The following HERC1 variants were observed in gnomAD, a reference collection of about 807,000 sequenced individuals.
HERC1 encodes probable E3 ubiquitin-protein ligase HERC1.
HERC1 carries 160 observed loss-of-function variants against 554.3 expected under a neutral mutation model. The observed-to-expected ratio is 0.29, with a 90% CI of 0.25 to 0.33. The LOEUF (loss-of-function observed/expected upper bound fraction) is 0.33, where lower values mean the gene tolerates loss of function less well. Ranked by LOEUF, HERC1 falls within the 10% of genes least tolerant of loss-of-function variation. The probability of loss-of-function intolerance (pLI) is 1.00; values close to 1 mark genes in which losing one functional copy is unlikely to be tolerated. For missense variants in HERC1, 4,919 were observed against 5,918.5 expected, an observed-to-expected ratio of 0.83 and a Z score of 5.54; for synonymous variants, 2,175 against 2,131.7, an observed-to-expected ratio of 1.02 and a Z score of -0.56.
intron 1 of HERC1, among the ~76,000 whole-genome samples, chr15:63,800,957 G>A (rs1279004367): frequency 6.6e-6 from 1 of 152,144 alleles, no homozygotes; most frequent in Non-Finnish European, 1.5e-5. Context: ...AAGGGGTGGA[G>A]ATAGAGTTAA....
chr15:63,703,290 G>A (rs1326167403), intron 25 of HERC1, among the ~76,000 whole-genome samples: 1 of 152,168 alleles, frequency 6.6e-6, no homozygotes, highest in Admixed American at 6.5e-5. Context: ...GCGCAATTGT[G>A]GTTCAACAGC....
At chr15:63,699,121 C>A (rs549245985) in intron 25 of HERC1, 125 bp from the exon 26 acceptor site, 2 of 801,060 alleles carry the variant, frequency 2.5e-6, no homozygotes, top group African/African-American at 1.7e-5. Context: ...TGTTTGAATA[C>A]GCGCATGCAT....
intron 3 of HERC1, among the ~76,000 whole-genome samples, chr15:63,760,346 G>C (rs887406865): frequency 6.8e-6 from 1 of 147,260 alleles, no homozygotes; most frequent in Non-Finnish European, 1.5e-5. Context: ...GAAAAGTATT[G>C]AGGTCAAATC....
chr15:63,725,416 A>G lies in HERC1; in HGVS notation c.3444T>C (p.Leu1148=), dbSNP rs774891337. The G allele has an allele frequency of 1.2e-6, 2 of 1,613,884 alleles. No homozygotes were observed. Among genetic ancestry groups the G allele is most frequent in the African/African-American group, 1.3e-5 (1 of 75,006 alleles). ...GCATGCCACCAAGACACCGCCCAATAAGGAGAGCAATTGTTCTTTCTAGAT... is the reference window on the plus strand; with the variant it reads ...GCATGCCACCAAGACACCGCCCAATGAGGAGAGCAATTGTTCTTTCTAGAT... ...LVDLERTIAL[L]IGRCLGGMLQ... The change falls in exon 18 of 78, where the codon CTT becomes CTC. Residue 1148 remains leucine, a synonymous_variant. Coordinates refer to ENST00000443617, the MANE Select transcript of HERC1 (RefSeq NM_003922.4).
chr15:63,793,544 AC>A (rs2076719060), intron 1 of HERC1, among the ~76,000 whole-genome samples: 1 of 152,054 alleles, frequency 6.6e-6, no homozygotes, highest in South Asian at 2.1e-4. Flanking sequence ...TGAATAATTC[AC>A]CCCTTGTTTA....
At chr15:63,761,801 T>C (rs570671554) in intron 3 of HERC1, among the ~76,000 whole-genome samples, 1 of 152,222 alleles carries the variant, frequency 6.6e-6, no homozygotes, top group Non-Finnish European at 1.5e-5. Flanking sequence ...CATATTCTAA[T>C]TCTCATCCTT....
intron 54 of HERC1, among the ~76,000 whole-genome samples, chr15:63,648,413 C>G (rs2069471481): frequency 6.6e-6 from 1 of 152,156 alleles, no homozygotes; most frequent in African/African-American, 2.4e-5. Context: ...ACAAGGGCTA[C>G]CTACTTTATA....
chr15:63,657,957 T>C (rs889828586), intron 48 of HERC1, among the ~76,000 whole-genome samples: 7 of 152,220 alleles, frequency 4.6e-5, no homozygotes, highest in African/African-American at 7.2e-5. Context: ...TTTATTTATA[T>C]GTATGGGTCA....
chr15:63,674,884 T>A lies in HERC1; in HGVS notation c.7304A>T (p.Glu2435Val). 1.9e-6 allele frequency: 3 copies of A among 1,613,976 alleles called. No individual in the cohort carries two copies. Among genetic ancestry groups the A allele is most frequent in the Non-Finnish European group, 2.5e-6 (3 of 1,179,830 alleles). Reference sequence around the variant, plus strand: ...GCCTGTTCGCATATCTAAAGCGGATTCACTCTCAGGTTTCTGCTCAACATC... The same window carrying A: ...GCCTGTTCGCATATCTAAAGCGGATACACTCTCAGGTTTCTGCTCAACATC... ...KGDVEQKPESESALDMRTGLT... is the reference protein window; with the variant it reads ...KGDVEQKPESVSALDMRTGLT... The change falls in exon 38 of 78, where the codon GAA becomes GTA. Residue 2435 changes from glutamate to valine, a missense_variant. Around this residue, in one of 11 missense-constraint regions of HERC1, gnomAD observed 1,963 missense variants for 2,228.6 expected, o/e 0.88. Coordinates refer to ENST00000443617, the MANE Select transcript of HERC1 (RefSeq NM_003922.4).
intron 74 of HERC1, among the ~76,000 whole-genome samples, chr15:63,617,703 A>G (rs963465243): frequency 3.3e-5 from 5 of 152,128 alleles, no homozygotes; most frequent in Admixed American, 1.3e-4. Context: ...TCGCCATTCT[A>G]ATTGGTGTGA....
rs146498400 is a variant in HERC1, at chr15:63,647,793, T to C, written c.10878+276A>G. On this transcript the variant is annotated intron_variant, in intron 55 of 77. Coordinates refer to ENST00000443617, the MANE Select transcript of HERC1 (RefSeq NM_003922.4). ...TTTTTTCACTTTTAAGTGGTTATTA[T>C]TAAAAAGACAAAAAACAACAGATGT... Among the ~76,000 whole-genome samples, 1,354 of 152,214 alleles carry C rather than the reference T, an allele frequency of 8.9e-3. 10 individuals carry two copies. The highest frequency in any genetic ancestry group is 0.015 in the Non-Finnish European group (1,025 of 68,008).
Position 63,708,253 on chromosome 15 carries a change from A to G in HERC1, c.4585-1422T>C, listed in dbSNP as rs184559736. Among the ~76,000 whole-genome samples the G allele has an allele frequency of 2.6e-5, 4 of 152,254 alleles. No homozygotes were observed. The East Asian group carries it at 7.7e-4, about 29-fold the overall frequency. On this transcript the variant is annotated intron_variant, in intron 24 of 77. Coordinates refer to ENST00000443617, the MANE Select transcript of HERC1 (RefSeq NM_003922.4). The stretch of plus-strand genomic sequence containing the variant: ...AAACAATCTCAGGCCTCAGAACCAG[A>G]AAAATCTGGTTCTCTTGAACAATTT...
At chr15:63,743,073 T>C (rs1330499468) in intron 12 of HERC1, among the ~76,000 whole-genome samples, 2 of 152,088 alleles carry the variant, frequency 1.3e-5, no homozygotes, top group African/African-American at 4.8e-5. Flanking sequence ...TCTTTAAATA[T>C]TTTGTGGAAT....
At chr15:63,746,827 T>C (rs1218629926) in intron 12 of HERC1, 91 bp downstream of exon 12, 10 of 1,078,394 alleles carry the variant, frequency 9.3e-6, no homozygotes, top group Admixed American at 2.6e-5. Flanking sequence ...CCAATTGAAA[T>C]TGTCCAATGT....
chr15:63,665,652 A>G (rs2070592560), intron 42 of HERC1, among the ~76,000 whole-genome samples: 1 of 152,228 alleles, frequency 6.6e-6, no homozygotes, highest in Non-Finnish European at 1.5e-5. Context: ...GTTTACTTCA[A>G]AATAAACTTG....
intron 24 of HERC1, among the ~76,000 whole-genome samples, chr15:63,709,014 G>C (rs2073156202): frequency 6.6e-6 from 1 of 152,128 alleles, no homozygotes; most frequent in East Asian, 1.9e-4. Flanking sequence ...GTTTGAGACA[G>C]TGTCTCGCTC....
intron 1 of HERC1, among the ~76,000 whole-genome samples, chr15:63,828,636 G>C (rs558559307): frequency 1.1e-4 from 17 of 152,134 alleles, no homozygotes; most frequent in Non-Finnish European, 2.2e-4. Context: ...ACCGCACCCA[G>C]CCCAGTACAC....
chr15:63,767,068 C>G (rs989721639), intron 2 of HERC1, among the ~76,000 whole-genome samples: 1 of 151,342 alleles, frequency 6.6e-6, no homozygotes, highest in Non-Finnish European at 1.5e-5. Context: ...GTAGCGCAGT[C>G]TCGGCTCACT....
intron 75 of HERC1, 48 bp downstream of exon 75, chr15:63,616,382 C>G (rs1160157446): frequency 6.3e-7 from 1 of 1,575,486 alleles, no homozygotes; most frequent in East Asian, 2.2e-5. Flanking sequence ...CTAGTCTGTG[C>G]ATATAGGACG....
Sources: gnomAD v4.1 joint callset for allele counts (sites outside exome capture counted in the v4.1 genomes callset) on GRCh38, gnomAD v4.1.1 for gene constraint, gnomAD v4.1.1 regional missense constraint, MANE v1.5 for transcripts, NCBI Gene and HGNC (gene_info 2026-07-23, HGNC 2026-07-21) for gene names.